Variants in GSG1L observed in about 807,000 individuals in gnomAD.
GSG1L encodes GSG1 like.
Under a neutral mutation model 42.1 loss-of-function variants are expected in GSG1L, and 24 were observed. The observed-to-expected ratio is 0.57, with a 90% CI of 0.41 to 0.80. The LOEUF (loss-of-function observed/expected upper bound fraction) is 0.80. GSG1L is among the 30% of genes least tolerant of loss of function. The pLI is 0.00. For synonymous variants in GSG1L, 215 were observed against 203.5 expected (o/e 1.06, Z -0.48); for missense variants, 445 against 472.2 (o/e 0.94, Z 0.53).
intron 2 of GSG1L, chr16:27,888,078 C>G: frequency 1.0e-6 from 1 of 985,110 alleles, no homozygotes; most frequent in South Asian, 4.7e-5. Context: ...TGCTGATGCT[C>G]CTATCGCTGG....
Position 27,884,341 on chromosome 16 carries a change from A to AT in GSG1L, c.550+144dup. 2 of 740,550 alleles carry AT rather than the reference A, an allele frequency of 2.7e-6. No individual in the cohort carries two copies. The highest frequency in any genetic ancestry group is 4.3e-6 in the Non-Finnish European group (2 of 469,084). The allele number at this position is 740,550 out of a possible 1,614,324, so 45.9% of individuals were successfully genotyped here. ...GATGCTCAGTCAATATGCATTGGTC[A>AT]TTTTTTACAAACGATAAAACTGAGG... On this transcript the variant is annotated intron_variant, in intron 3 of 6. Transcript: ENST00000447459. The surrounding 1 kb of genome is among the most constrained non-coding windows in gnomAD (Gnocchi z 4.4).
intron 2 of GSG1L, among the ~76,000 whole-genome samples, chr16:27,937,555 C>G (rs1402679629): frequency 6.6e-6 from 1 of 152,164 alleles, no homozygotes; most frequent in East Asian, 1.9e-4. Context: ...TCTGCCCTCT[C>G]GAAGGACCAT....
At chr16:27,868,853 C>T (rs546508023) in intron 3 of GSG1L, among the ~76,000 whole-genome samples, 26 of 152,116 alleles carry the variant, frequency 1.7e-4, no homozygotes, top group Admixed American at 8.5e-4. Context: ...ATCCCCAGCT[C>T]GCTCACTCAT....
chr16:27,798,960 C>T (rs2082850887), intron 6 of GSG1L, among the ~76,000 whole-genome samples: 1 of 152,180 alleles, frequency 6.6e-6, no homozygotes, highest in Non-Finnish European at 1.5e-5. Context: ...TCACAGCACA[C>T]AGCTCCTGAG....
intron 2 of GSG1L, among the ~76,000 whole-genome samples, chr16:27,941,403 G>A (rs1307276219): frequency 6.6e-6 from 1 of 150,840 alleles, no homozygotes; most frequent in East Asian, 2.0e-4. Flanking sequence ...GGGCGCAGTG[G>A]TTCATGCCTG....
intron 5 of GSG1L, chr16:27,823,795 C>A: frequency 1.4e-6 from 1 of 698,270 alleles, no homozygotes; most frequent in Non-Finnish European, 2.6e-6. Flanking sequence ...TTGATCAAGC[C>A]TGAGAGGCCA....
intron 1 of GSG1L, among the ~76,000 whole-genome samples, chr16:28,044,684 C>A (rs541026786): frequency 1.5e-4 from 22 of 146,634 alleles, no homozygotes; most frequent in African/African-American, 5.6e-4. Flanking sequence ...AGTGCAGTGG[C>A]ACGATCTCGG....
intron 1 of GSG1L, among the ~76,000 whole-genome samples, chr16:27,975,842 G>A (rs2085244575): frequency 6.6e-6 from 1 of 152,180 alleles, no homozygotes; most frequent in Admixed American, 6.5e-5. Flanking sequence ...CCTGGTTTTA[G>A]GTGCTGGAGA....
At chr16:27,850,800 C>CTTT (rs201380124) in intron 3 of GSG1L, among the ~76,000 whole-genome samples, 6 of 132,598 alleles carry the variant, frequency 4.5e-5, no homozygotes, top group Non-Finnish European at 6.3e-5. Context: ...TATCATCTAC[C>CTTT]TTTTTTTTTT....
intron 2 of GSG1L, among the ~76,000 whole-genome samples, chr16:27,888,367 C>T (rs567002917): frequency 3.5e-4 from 54 of 152,252 alleles, no homozygotes; most frequent in Admixed American, 6.5e-4. Flanking sequence ...CGATGCCTGG[C>T]GGGGTTGTGG....
At chr16:28,050,973 C>T (rs905960553) in intron 1 of GSG1L, among the ~76,000 whole-genome samples, 2 of 152,210 alleles carry the variant, frequency 1.3e-5, no homozygotes, top group South Asian at 2.1e-4. Flanking sequence ...CACCTCCTGT[C>T]GTCTGTCTTC....
At chr16:27,900,844 T>C (rs564886192) in intron 2 of GSG1L, among the ~76,000 whole-genome samples, 1 of 150,308 alleles carries the variant, frequency 6.7e-6, no homozygotes, top group South Asian at 2.1e-4. Flanking sequence ...AACAGATACA[T>C]AGGCCGAGCA....
intron 1 of GSG1L, among the ~76,000 whole-genome samples, chr16:28,060,067 T>C (rs570236490): frequency 6.6e-6 from 1 of 151,952 alleles, no homozygotes; most frequent in East Asian, 1.9e-4. Context: ...GAGGATCTCC[T>C]GGTTGGTGTT....
intron 6 of GSG1L, among the ~76,000 whole-genome samples, chr16:27,806,134 C>T (rs1026790292): frequency 8.5e-5 from 13 of 152,116 alleles, no homozygotes; most frequent in African/African-American, 2.7e-4. Flanking sequence ...CACATCCATC[C>T]CCTGGTTTCT....
At chr16:28,054,635 T>A (rs2086259920) in intron 1 of GSG1L, among the ~76,000 whole-genome samples, 1 of 151,440 alleles carries the variant, frequency 6.6e-6, no homozygotes, top group Admixed American at 6.6e-5. Flanking sequence ...TCTCAAAAAA[T>A]AATAATAATA....
intron 1 of GSG1L, among the ~76,000 whole-genome samples, chr16:27,978,404 C>T (rs769875783): frequency 3.3e-5 from 5 of 152,190 alleles, no homozygotes; most frequent in Non-Finnish European, 5.9e-5. Context: ...CAAATCCCCA[C>T]TGTGCCAGCT....
At chr16:27,967,550 A>G (rs985674544) in intron 1 of GSG1L, among the ~76,000 whole-genome samples, 2 of 152,228 alleles carry the variant, frequency 1.3e-5, no homozygotes, top group African/African-American at 4.8e-5. Flanking sequence ...CCTGGGCCAC[A>G]CAGCACATTA....
At chr16:27,984,179 C>T (rs1193898761) in intron 1 of GSG1L, among the ~76,000 whole-genome samples, 2 of 152,082 alleles carry the variant, frequency 1.3e-5, no homozygotes, top group Non-Finnish European at 2.9e-5. Flanking sequence ...GTTTGTAAGC[C>T]CTTATTAATG....
chr16:27,807,589 G>A, intron 5 of GSG1L, 35 bp from the exon 6 acceptor site: 1 of 1,578,520 alleles, frequency 6.3e-7, no homozygotes, highest in Non-Finnish European at 8.6e-7. Flanking sequence ...AAAATCCTAG[G>A]TAGGAAAGAG....
Sources: gnomAD v4.1 joint callset for allele counts (sites outside exome capture counted in the v4.1 genomes callset) on GRCh38, gnomAD v4.1.1 for gene constraint, Gnocchi (gnomAD v3.1) non-coding constraint, MANE v1.5 for transcripts, NCBI Gene and HGNC (gene_info 2026-07-23, HGNC 2026-07-21) for gene names.